DGKI: variants seen among roughly 807,000 people sequenced by gnomAD.
DGKI encodes the protein DAG kinase iota.
Under a neutral mutation model 147.5 loss-of-function variants are expected in DGKI, and 55 were observed. The observed-to-expected ratio is 0.37, with a 90% CI of 0.30 to 0.47. The LOEUF (loss-of-function observed/expected upper bound fraction) is 0.47. Ranked by LOEUF, DGKI falls within the 20% of genes least tolerant of loss-of-function variation. The pLI, the probability that DGKI is intolerant of heterozygous loss-of-function variation, is 1.00. For missense variants in DGKI, 1,007 were observed against 1,323.8 expected (o/e 0.76, Z 3.71); for synonymous variants, 469 against 477.1 (o/e 0.98, Z 0.22).
intron 27 of DGKI, among the ~76,000 whole-genome samples, chr7:137,445,999 G>C (rs768124231): frequency 2.0e-5 from 3 of 152,218 alleles, no homozygotes; most frequent in Non-Finnish European, 1.5e-5. Flanking sequence ...GGTCATACTA[G>C]AATCAGCCAC....
At chr7:137,667,078 C>T (rs1204971983) in intron 3 of DGKI, among the ~76,000 whole-genome samples, 1 of 152,076 alleles carries the variant, frequency 6.6e-6, no homozygotes, top group Non-Finnish European at 1.5e-5. Context: ...TGGCTCTTTA[C>T]AGGTGGTTTT....
At chr7:137,454,595 G>T (rs1814110820) in intron 27 of DGKI, among the ~76,000 whole-genome samples, 2 of 152,204 alleles carry the variant, frequency 1.3e-5, no homozygotes, top group African/African-American at 4.8e-5. Context: ...AATGAAAAAA[G>T]AAATAATTAA....
At chr7:137,801,651 C>T (rs1448067660) in intron 1 of DGKI, among the ~76,000 whole-genome samples, 1 of 152,184 alleles carries the variant, frequency 6.6e-6, no homozygotes, top group African/African-American at 2.4e-5. Flanking sequence ...GGATGGAGAT[C>T]AGTCTCTTTT....
At chr7:137,717,202 A>G (rs925409874) in intron 1 of DGKI, among the ~76,000 whole-genome samples, 2 of 152,188 alleles carry the variant, frequency 1.3e-5, no homozygotes, top group Non-Finnish European at 2.9e-5. Context: ...ATGTCAAAAG[A>G]GTGGCTTTCT....
chr7:137,493,344 C>A (rs1368265947), intron 21 of DGKI, among the ~76,000 whole-genome samples: 2 of 152,218 alleles, frequency 1.3e-5, no homozygotes, highest in African/African-American at 4.8e-5. Context: ...ACCAGGGCCC[C>A]ACTCCAGCTG....
intron 6 of DGKI, among the ~76,000 whole-genome samples, chr7:137,627,906 A>G (rs1303989425): frequency 6.6e-6 from 1 of 152,208 alleles, no homozygotes; most frequent in Non-Finnish European, 1.5e-5. Flanking sequence ...TCATGAGAAA[A>G]TGGGAATAAT....
chr7:137,397,708 T>C (rs1210706765), intron 30 of DGKI, among the ~76,000 whole-genome samples: 1 of 152,160 alleles, frequency 6.6e-6, no homozygotes, highest in Non-Finnish European at 1.5e-5. Flanking sequence ...GAAAAATAAT[T>C]AAGTGGCTAA....
intron 6 of DGKI, among the ~76,000 whole-genome samples, chr7:137,625,483 T>C (rs1284168127): frequency 6.6e-6 from 1 of 151,356 alleles, no homozygotes; most frequent in Non-Finnish European, 1.5e-5. Context: ...AAATAAAAAA[T>C]TTAAAAAAAA....
chr7:137,639,273 T>C (rs899017997), intron 6 of DGKI, among the ~76,000 whole-genome samples: 1 of 152,118 alleles, frequency 6.6e-6, no homozygotes, highest in South Asian at 2.1e-4. Flanking sequence ...ATGAGACACA[T>C]GACTTGGGCC....
chr7:137,487,469 C>A, intron 22 of DGKI, 141 bp downstream of exon 22: 1 of 744,438 alleles, frequency 1.3e-6, no homozygotes, highest in Non-Finnish European at 2.4e-6. Context: ...GGGTGACATA[C>A]AGCGTATGCT....
At chr7:137,554,380 T>C (rs1051723173) in intron 19 of DGKI, among the ~76,000 whole-genome samples, 1 of 152,168 alleles carries the variant, frequency 6.6e-6, no homozygotes. Flanking sequence ...CTATTAGTAA[T>C]ACTTTGATTT....
chr7:137,410,417 C>CA (rs1215633704), intron 29 of DGKI, among the ~76,000 whole-genome samples: 1 of 152,044 alleles, frequency 6.6e-6, no homozygotes, highest in Admixed American at 6.6e-5. Flanking sequence ...AAAACAAAAA[C>CA]AAAATAAGGT....
chr7:137,495,781 A>G (rs939892360), intron 21 of DGKI, among the ~76,000 whole-genome samples: 3 of 152,158 alleles, frequency 2.0e-5, no homozygotes, highest in Non-Finnish European at 2.9e-5. Context: ...AAAACCCTCA[A>G]CAAACTAAGC....
intron 21 of DGKI, among the ~76,000 whole-genome samples, chr7:137,504,675 CA>C (rs1254486142): frequency 1.3e-5 from 2 of 152,024 alleles, no homozygotes; most frequent in Non-Finnish European, 2.9e-5. Context: ...CTAACATAAT[CA>C]ATAGAGTTTA....
intron 8 of DGKI, among the ~76,000 whole-genome samples, chr7:137,615,890 C>T (rs1200799846): frequency 1.3e-5 from 2 of 152,032 alleles, no homozygotes; most frequent in Admixed American, 6.6e-5. Flanking sequence ...TACGTGGCTA[C>T]AGCAAGGTTA....
chr7:137,446,200 A>T (rs971511470), intron 27 of DGKI, among the ~76,000 whole-genome samples: 1 of 152,248 alleles, frequency 6.6e-6, no homozygotes, highest in African/African-American at 2.4e-5. Context: ...CAAAGCCCTG[A>T]TATTAAATCT....
At chr7:137,651,839 T>TGTA (rs1165849629) in intron 5 of DGKI, among the ~76,000 whole-genome samples, 1 of 152,194 alleles carries the variant, frequency 6.6e-6, no homozygotes, top group Non-Finnish European at 1.5e-5. Context: ...GGATGGAATA[T>TGTA]GTAGTATCTT....
In DGKI at chr7:137,389,938, T is replaced by G. The variant is rs750793717; in HGVS notation, c.*1282A>C. The stretch of plus-strand genomic sequence containing the variant: ...GACCTGACAAATAATAGTTGAAGCA[T>G]CCTTCTGAATGATCCAGGCATCCCA... On this transcript the variant is annotated 3_prime_UTR_variant, in exon 33 of 33. Coordinates refer to ENST00000614521, the MANE Select transcript of DGKI (RefSeq NM_001321708.2). The G allele has an allele frequency of 6.6e-6, 1 of 152,144 alleles. No homozygotes were observed. The highest frequency in any genetic ancestry group is 1.9e-4 in the East Asian group (1 of 5,184). The allele number at this position is 152,144 out of a possible 1,614,324, so 9.4% of individuals were successfully genotyped here. A position where few individuals can be genotyped will look rare whatever the true frequency, so the allele number is the denominator to read the frequency against.
At chr7:137,588,525 G>A (rs1284287149) in intron 12 of DGKI, among the ~76,000 whole-genome samples, 3 of 142,934 alleles carry the variant, frequency 2.1e-5, no homozygotes, top group Non-Finnish European at 4.5e-5. Flanking sequence ...CGTCCAGGCT[G>A]GAGTGCAGCG....
Sources: allele counts gnomAD v4.1 joint callset (sites outside exome capture counted in the v4.1 genomes callset), GRCh38; gene constraint gnomAD v4.1.1; transcripts MANE v1.5; gene names NCBI Gene and HGNC (gene_info 2026-07-23, HGNC 2026-07-21).